The following COL24A1 variants were observed in gnomAD, a reference collection of about 807,000 sequenced individuals.
The protein encoded by COL24A1 is collagen alpha-1(XXIV) chain.
Under a neutral mutation model 253.9 loss-of-function variants are expected in COL24A1, and 224 were observed. The ratio of observed to expected loss-of-function variants is 0.88; its 90% CI spans 0.79 to 0.99. The LOEUF is 0.99. COL24A1 is among the 50% of genes least tolerant of loss of function. The probability of loss-of-function intolerance (pLI) is 0.00; values close to 1 mark genes in which losing one functional copy is unlikely to be tolerated. For synonymous variants in COL24A1, 685 were observed against 673.7 expected, an observed-to-expected ratio of 1.02 and a Z score of -0.26; for missense variants, 2,131 against 2,068.5, an observed-to-expected ratio of 1.03 and a Z score of -0.59.
rs187287483 is a variant in COL24A1, at chr1:85,806,024, G to A, written c.3951+10764C>T. The stretch of plus-strand genomic sequence containing the variant: ...CAAGGGGGCGGAGCTTGCAGTGAGC[G>A]GAGATCGCGCCACTGCACTCCAGGT... On this transcript the variant is annotated intron_variant, in intron 47 of 59. Coordinates refer to ENST00000370571, the MANE Select transcript of COL24A1 (RefSeq NM_152890.7). 4.4e-3 allele frequency among the ~76,000 whole-genome samples: 656 copies of A among 150,408 alleles called. 4 individuals are homozygous for A. Among genetic ancestry groups the A allele is most frequent in the Middle Eastern group, 0.032 (9 of 284 alleles).
intron 32 of COL24A1, among the ~76,000 whole-genome samples, chr1:85,881,759 T>C (rs561822622): frequency 3.3e-5 from 5 of 152,348 alleles, no homozygotes; most frequent in Admixed American, 6.5e-5. Flanking sequence ...CTCCTTTTTT[T>C]CCCCTTGGTT....
chr1:85,757,949 A>G (rs1220139308), intron 55 of COL24A1, among the ~76,000 whole-genome samples: 1 of 152,194 alleles, frequency 6.6e-6, no homozygotes, highest in Non-Finnish European at 1.5e-5. Flanking sequence ...CAATATTTAC[A>G]AAAACATGCA....
intron 37 of COL24A1, among the ~76,000 whole-genome samples, chr1:85,856,293 G>T (rs575424555): frequency 6.6e-6 from 1 of 152,104 alleles, no homozygotes; most frequent in Non-Finnish European, 1.5e-5. Context: ...CTGTTAATTA[G>T]ATATTTTTCT....
intron 48 of COL24A1, among the ~76,000 whole-genome samples, chr1:85,786,106 CAT>C (rs1288885260): frequency 6.6e-6 from 1 of 152,158 alleles, no homozygotes; most frequent in Non-Finnish European, 1.5e-5. Flanking sequence ...GAGTCAAAGA[CAT>C]AGCATTTTTT....
chr1:86,006,494 C>T (rs1442245476), intron 19 of COL24A1, among the ~76,000 whole-genome samples: 2 of 152,172 alleles, frequency 1.3e-5, no homozygotes. Context: ...AGACCTTACA[C>T]CTGTCACAAA....
At chr1:85,916,551 C>T (rs1415616934) in intron 24 of COL24A1, among the ~76,000 whole-genome samples, 1 of 152,072 alleles carries the variant, frequency 6.6e-6, no homozygotes, top group Non-Finnish European at 1.5e-5. Context: ...CTGGGTGTGG[C>T]AACATGTTCC....
At chr1:85,907,274 T>C (rs1684936463) in intron 27 of COL24A1, 27 bp from the exon 28 acceptor site, 1 of 1,586,024 alleles carries the variant, frequency 6.3e-7, no homozygotes, top group East Asian at 2.2e-5. Flanking sequence ...TAAAGTCAGT[T>C]GTAGAATTTA....
rs527866478 is a variant in COL24A1, at chr1:85,871,126, C to A, written c.3139-2291G>T. 5.3e-5 allele frequency among the ~76,000 whole-genome samples: 8 copies of A among 152,270 alleles called. No individual in the cohort carries two copies. The South Asian group carries it at 1.7e-3, about 32-fold the overall frequency. ...AAATTGATAAATTCCTGGACACACA[C>A]ACCCTCCCAAGACTAAGCCAGGAAG... On this transcript the variant is annotated intron_variant, in intron 35 of 59. Transcript: ENST00000370571.
intron 31 of COL24A1, among the ~76,000 whole-genome samples, chr1:85,891,151 C>T (rs577629035): frequency 4.6e-5 from 7 of 151,648 alleles, no homozygotes; most frequent in Non-Finnish European, 7.4e-5. Flanking sequence ...CCTGGGTTCA[C>T]GCCGTTCTCC....
At chr1:85,933,354 T>C (rs992246194) in intron 24 of COL24A1, among the ~76,000 whole-genome samples, 7 of 146,714 alleles carry the variant, frequency 4.8e-5, no homozygotes, top group Admixed American at 1.4e-4. Flanking sequence ...TTGCTGTGTT[T>C]CACAGAATAA....
chr1:85,990,440 G>C (rs567920197), intron 19 of COL24A1, among the ~76,000 whole-genome samples: 1 of 152,118 alleles, frequency 6.6e-6, no homozygotes, highest in Non-Finnish European at 1.5e-5. Context: ...TCCCTCACAC[G>C]TGCAGTTCAC....
chr1:86,126,704 C>T (rs1049893854), intron 2 of COL24A1, among the ~76,000 whole-genome samples: 1 of 152,046 alleles, frequency 6.6e-6, no homozygotes, highest in African/African-American at 2.4e-5. Context: ...AACTCCTAGG[C>T]AAAAGCAATC....
intron 51 of COL24A1, 65 bp downstream of exon 51, chr1:85,783,431 G>T: frequency 7.6e-7 from 1 of 1,312,866 alleles, no homozygotes; most frequent in Non-Finnish European, 1.1e-6. Flanking sequence ...TACATTTAGA[G>T]CTCTTAAGCC....
intron 43 of COL24A1, among the ~76,000 whole-genome samples, chr1:85,834,039 C>T (rs1570832235): frequency 6.6e-6 from 1 of 151,488 alleles, no homozygotes; most frequent in East Asian, 1.9e-4. Context: ...ATGGGTGCAG[C>T]ACACCAGCAT....
Position 86,125,078 on chromosome 1 carries a change from C to T in COL24A1, c.1258G>A (p.Glu420Lys), listed in dbSNP as rs765914443. ...KAITANLHTN[E>K]LMEMQPILNT... ...AAAATTGGTTGCATTTCCATGAGTT[C>T]GTTAGTGTGTAGATTTGCTGTGATA... The change falls in exon 3 of 60, where the codon GAA becomes AAA. Residue 420 changes from glutamate (E) to lysine (K), a missense_variant. Transcript: ENST00000370571. 35 of 1,612,788 alleles carry T rather than the reference C, an allele frequency of 2.2e-5. No homozygotes were observed. Among genetic ancestry groups the T allele is most frequent in the Admixed American group, 3.3e-5 (2 of 59,814 alleles).
At chr1:85,879,795 T>C (rs1681613769) in intron 32 of COL24A1, among the ~76,000 whole-genome samples, 1 of 152,070 alleles carries the variant, frequency 6.6e-6, no homozygotes, top group Non-Finnish European at 1.5e-5. Flanking sequence ...AGGGAAGGGG[T>C]TGTTCTCACT....
At chr1:85,971,433 A>G in intron 20 of COL24A1, 40 bp from the exon 21 acceptor site, 1 of 1,457,284 alleles carries the variant, frequency 6.9e-7, no homozygotes, top group Non-Finnish European at 9.5e-7. Context: ...GAAATTTTAG[A>G]TCAACTGACA....
chr1:85,848,692 C>T (rs1428488574), intron 38 of COL24A1, among the ~76,000 whole-genome samples: 2 of 152,104 alleles, frequency 1.3e-5, no homozygotes, highest in Non-Finnish European at 2.9e-5. Context: ...AAGTGAGAAC[C>T]AACCTGTTCT....
intron 12 of COL24A1, among the ~76,000 whole-genome samples, chr1:86,036,842 T>C (rs1699073619): frequency 6.6e-6 from 1 of 152,218 alleles, no homozygotes; most frequent in Admixed American, 6.6e-5. Flanking sequence ...ATTTTCCTGG[T>C]AGAAAATTAT....
Sources: allele counts gnomAD v4.1 joint callset (sites outside exome capture counted in the v4.1 genomes callset), GRCh38; gene constraint gnomAD v4.1.1; transcripts MANE v1.5; gene names NCBI Gene and HGNC (gene_info 2026-07-23, HGNC 2026-07-21).